Variants in CSMD3 observed in about 807,000 individuals in gnomAD.
CSMD3 encodes CUB and sushi domain-containing protein 3.
Under a neutral mutation model 435.2 loss-of-function variants are expected in CSMD3, and 177 were observed. The ratio of observed to expected loss-of-function variants is 0.41; its 90% CI spans 0.36 to 0.46. The LOEUF (loss-of-function observed/expected upper bound fraction) is 0.46. Among genes scored for constraint, CSMD3 ranks in the 20% least tolerant of loss-of-function variants. The pLI is 0.34. For missense variants in CSMD3, 4,265 were observed against 4,504.6 expected (o/e 0.95, Z 1.52); for synonymous variants, 1,656 against 1,520.5 (o/e 1.09, Z -2.07).
In CSMD3 at chr8:112,552,736, A is replaced by G. The variant is rs1827795887; in HGVS notation, c.4235-16T>C. 7.5e-6 allele frequency: 12 copies of G among 1,608,354 alleles called. No individual in the cohort carries two copies. The highest frequency in any genetic ancestry group is 1.0e-5 in the Non-Finnish European group (12 of 1,176,916). On this transcript the variant is annotated splice_polypyrimidine_tract_variant and intron_variant, in intron 25 of 70. Coordinates refer to ENST00000297405, the MANE Select transcript of CSMD3 (RefSeq NM_198123.2). The stretch of plus-strand genomic sequence containing the variant: ...CCACATTCAGCTGATAAAAAATAAT[A>G]GAAATTTAAGCCACAATTTAATGCC...
At chr8:112,913,599 T>C (rs924715346) in intron 10 of CSMD3, among the ~76,000 whole-genome samples, 1 of 151,888 alleles carries the variant, frequency 6.6e-6, no homozygotes, top group African/African-American at 2.4e-5. Flanking sequence ...TCATTGCAGG[T>C]AGAGATTTTT....
At chr8:112,841,020 CAT>C (rs1187526008) in intron 11 of CSMD3, among the ~76,000 whole-genome samples, 2 of 151,550 alleles carry the variant, frequency 1.3e-5, no homozygotes, top group Middle Eastern at 3.4e-3. Flanking sequence ...TTCAAACACT[CAT>C]ATGTGTTATG....
chr8:112,865,016 A>G (rs1587512246), intron 10 of CSMD3, among the ~76,000 whole-genome samples: 2 of 152,330 alleles, frequency 1.3e-5, no homozygotes, highest in South Asian at 2.1e-4. Flanking sequence ...CAATACCTGC[A>G]GAGACCTTGC....
chr8:112,970,411 A>G (rs1447628246), intron 7 of CSMD3, among the ~76,000 whole-genome samples: 1 of 150,594 alleles, frequency 6.6e-6, no homozygotes, highest in African/African-American at 2.4e-5. Flanking sequence ...AAAAAAAAAA[A>G]AAAAAGAAAA....
In CSMD3 at chr8:112,689,895, AT is replaced by A; in HGVS notation, c.2127del (p.Gln709HisfsTer37). On this transcript the variant is annotated frameshift_variant, in exon 14 of 71. Transcript: ENST00000297405. LOFTEE classifies it high-confidence loss of function. ...EKSIVCQENN[Q>X]WSANIPICIF... is the part of the protein sequence containing the mutation. Reference sequence around the variant, plus strand: ...ATACAGATGGGTATGTTTGCAGACCATTGGTTATTCTCTTGACAAACAATGG... The same window carrying A: ...ATACAGATGGGTATGTTTGCAGACCATGGTTATTCTCTTGACAAACAATGG... 1 of 1,613,314 alleles carries A rather than the reference AT, an allele frequency of 6.2e-7. No individual in the cohort carries two copies.
At chr8:112,907,630 A>C (rs142807604) in intron 10 of CSMD3, among the ~76,000 whole-genome samples, 7 of 151,454 alleles carry the variant, frequency 4.6e-5, no homozygotes, top group African/African-American at 1.7e-4. Flanking sequence ...GCTTCTTTTC[A>C]CTAAAGGGGC....
chr8:112,660,040 T>C (rs2075343654), intron 17 of CSMD3, among the ~76,000 whole-genome samples: 1 of 152,096 alleles, frequency 6.6e-6, no homozygotes, highest in Non-Finnish European at 1.5e-5. Context: ...TCACGAGTAG[T>C]GGAAAGTAAG....
At chr8:112,278,542 G>C (rs1259724466) in intron 59 of CSMD3, among the ~76,000 whole-genome samples, 1 of 152,132 alleles carries the variant, frequency 6.6e-6, no homozygotes, top group East Asian at 1.9e-4. Flanking sequence ...TCAGATGAAT[G>C]TCTTACTCTA....
At chr8:112,362,461 T>C (rs892743819) in intron 38 of CSMD3, among the ~76,000 whole-genome samples, 3 of 152,020 alleles carry the variant, frequency 2.0e-5, no homozygotes, top group African/African-American at 7.2e-5. Flanking sequence ...TAATACACAC[T>C]ACTTATCAAA....
At chr8:113,334,273 TTAAG>T (rs1180301086) in intron 1 of CSMD3, among the ~76,000 whole-genome samples, 1 of 117,532 alleles carries the variant, frequency 8.5e-6, no homozygotes, top group African/African-American at 3.4e-5. Flanking sequence ...TAGGGATAGT[TTAAG>T]TTTTTTTTTT....
chr8:113,337,998 T>C (rs1406581082), intron 1 of CSMD3, among the ~76,000 whole-genome samples: 1 of 151,842 alleles, frequency 6.6e-6, no homozygotes, highest in Non-Finnish European at 1.5e-5. Flanking sequence ...GTGAAAGAAA[T>C]AACCCACAGA....
At chr8:113,200,264 G>A (rs2092703345) in intron 3 of CSMD3, among the ~76,000 whole-genome samples, 1 of 151,268 alleles carries the variant, frequency 6.6e-6, no homozygotes, top group Non-Finnish European at 1.5e-5. Flanking sequence ...CTGCACATTT[G>A]CGCCCTTCTT....
intron 16 of CSMD3, among the ~76,000 whole-genome samples, chr8:112,671,783 A>C (rs2075662198): frequency 6.6e-6 from 1 of 152,126 alleles, no homozygotes; most frequent in African/African-American, 2.4e-5. Flanking sequence ...TGTTTATTTA[A>C]ACATTTTATA....
chr8:112,644,948 T>C (rs1029893192), intron 20 of CSMD3, among the ~76,000 whole-genome samples, 161 bp downstream of exon 20: 49 of 152,146 alleles, frequency 3.2e-4, no homozygotes, highest in Non-Finnish European at 3.5e-4. Context: ...AGAGTAAATA[T>C]AATTTTTGTG....
chr8:112,439,506 T>C (rs1814746544), intron 32 of CSMD3, among the ~76,000 whole-genome samples: 1 of 152,138 alleles, frequency 6.6e-6, no homozygotes, highest in African/African-American at 2.4e-5. Flanking sequence ...ATATAATCTG[T>C]AGGACTTTAT....
intron 38 of CSMD3, among the ~76,000 whole-genome samples, chr8:112,362,478 T>A (rs1276372200): frequency 6.6e-6 from 1 of 152,006 alleles, no homozygotes; most frequent in African/African-American, 2.4e-5. Flanking sequence ...CAAATTTTAG[T>A]CTATAGAATA....
At chr8:112,389,414 G>A (rs1830227268) in intron 36 of CSMD3, among the ~76,000 whole-genome samples, 1 of 152,122 alleles carries the variant, frequency 6.6e-6, no homozygotes. Context: ...ACTATAATAA[G>A]ATAGGATTGA....
chr8:112,351,947 C>A (rs748067673), intron 39 of CSMD3, among the ~76,000 whole-genome samples: 1 of 151,836 alleles, frequency 6.6e-6, no homozygotes, highest in Admixed American at 6.6e-5. Flanking sequence ...ATATACATTG[C>A]AAATCCAGTT....
intron 4 of CSMD3, among the ~76,000 whole-genome samples, chr8:113,116,270 A>C (rs898194447): frequency 6.6e-6 from 1 of 152,132 alleles, no homozygotes; most frequent in Non-Finnish European, 1.5e-5. Flanking sequence ...TCATAGGGGC[A>C]GTTTCTCCAC....
Sources: gnomAD v4.1 joint callset for allele counts (sites outside exome capture counted in the v4.1 genomes callset) on GRCh38, gnomAD v4.1.1 for gene constraint, MANE v1.5 for transcripts, NCBI Gene and HGNC (gene_info 2026-07-23, HGNC 2026-07-21) for gene names.